Variants in RBM25 observed in about 807,000 individuals in gnomAD.
The protein encoded by RBM25 is RNA-binding protein 25.
A neutral mutation model predicts 120.7 loss-of-function variants in RBM25; 19 were observed. The observed-to-expected ratio is 0.16, with a 90% confidence interval of 0.11 to 0.23. The LOEUF (loss-of-function observed/expected upper bound fraction) is 0.23. RBM25 is among the 10% of genes least tolerant of loss of function. The probability of loss-of-function intolerance (pLI) is 1.00; values close to 1 mark genes in which losing one functional copy is unlikely to be tolerated. For missense variants in RBM25, 605 were observed against 1,041.5 expected (o/e 0.58, Z 5.77); for synonymous variants, 390 against 326.7 (o/e 1.19, Z -2.09).
chr14:73,074,566 C>A (rs1291062369), intron 2 of RBM25, among the ~76,000 whole-genome samples: 2 of 152,038 alleles, frequency 1.3e-5, no homozygotes, highest in East Asian at 3.9e-4. Flanking sequence ...AAGAAAGACC[C>A]TGTCTTGTGG....
chr14:73,059,891 G>T (rs1041303503), intron 1 of RBM25, among the ~76,000 whole-genome samples: 1 of 152,020 alleles, frequency 6.6e-6, no homozygotes, highest in Non-Finnish European at 1.5e-5. Flanking sequence ...TTGGGGTTGG[G>T]GATTGAGAAA....
In RBM25 at chr14:73,120,844, G is replaced by A. The variant is rs941898548; in HGVS notation, c.*1039G>A. 2.5e-4 allele frequency: 38 copies of A among 152,070 alleles called. No homozygotes were observed. Among genetic ancestry groups the A allele is most frequent in the Admixed American group, 2.4e-3 (36 of 15,262 alleles). 9.4% of individuals were successfully genotyped at this position (152,070 alleles called of 1,614,324 possible). ...TACAAACATGATAGGTATTCTGCTC[G>A]GCAATTTGTAAGTTTACATGTTATT... On this transcript the variant is annotated 3_prime_UTR_variant, in exon 19 of 19. Coordinates refer to ENST00000261973, the MANE Select transcript of RBM25 (RefSeq NM_021239.3).
intron 6 of RBM25, among the ~76,000 whole-genome samples, chr14:73,094,810 GGTGTGTGTGTGTGT>G (rs60336075): frequency 4.8e-5 from 7 of 145,280 alleles, no homozygotes; most frequent in East Asian, 2.1e-4. Context: ...ACAGGAGCGA[GGTGTGTGTGTGTGT>G]GTGTGTGTGT....
Position 73,113,999 on chromosome 14 carries a change from G to T in RBM25, c.2392-287G>T, listed in dbSNP as rs111758537. ...GCCAGTAGTGCTCTTTTGATATTAT[G>T]AACAGTAAATTTACTCTGTCTTCTC... On this transcript the variant is annotated intron_variant, in intron 17 of 18. Transcript: ENST00000261973. Among the ~76,000 whole-genome samples, 336 of 152,200 alleles carry T rather than the reference G, an allele frequency of 2.2e-3. 1 individual carries two copies. Among genetic ancestry groups the T allele is most frequent in the African/African-American group, 7.6e-3 (317 of 41,504 alleles).
At chr14:73,081,732 G>A (rs61985144) in intron 4 of RBM25, among the ~76,000 whole-genome samples, 11,170 of 152,036 alleles carry the variant, frequency 0.073, 426 homozygotes, top group Non-Finnish European at 0.09. Context: ...TATAGAATTC[G>A]GTGATGAAGC....
At chr14:73,061,853 A>G (rs1895013126) in intron 1 of RBM25, among the ~76,000 whole-genome samples, 2 of 151,440 alleles carry the variant, frequency 1.3e-5, no homozygotes, top group Admixed American at 1.3e-4. Flanking sequence ...GGTATGAGCC[A>G]CTGTGCCCAG....
rs1225843508 is a variant in RBM25, at chr14:73,106,207, T to C, written c.1389T>C (p.Asn463=). 1 of 1,590,800 alleles carries C rather than the reference T, an allele frequency of 6.3e-7. No homozygotes were observed. The highest frequency in any genetic ancestry group is 1.2e-5 in the South Asian group (1 of 85,740). Residue 463 remains asparagine, a synonymous_variant, in exon 12 of 19, where the codon AAT becomes AAC. Coordinates refer to ENST00000261973, the MANE Select transcript of RBM25 (RefSeq NM_021239.3). ...KEAAYQERLK[N]WEIRERKKTR... ...TTTAATTTTTTTAGCGCCTTAAGAA[T>C]TGGGAAATCAGAGAACGAAAGAAAA...
At chr14:73,098,103 GA>G (rs965459337) in intron 7 of RBM25, among the ~76,000 whole-genome samples, 1 of 151,756 alleles carries the variant, frequency 6.6e-6, no homozygotes, top group African/African-American at 2.4e-5. Flanking sequence ...TATAAAGTAA[GA>G]AAAAAAATCC....
At chr14:73,108,240 A>C (rs992548562) in intron 13 of RBM25, among the ~76,000 whole-genome samples, 2 of 152,154 alleles carry the variant, frequency 1.3e-5, no homozygotes, top group African/African-American at 4.8e-5. Context: ...GCTGGAATGC[A>C]GGGGCATGAT....
chr14:73,083,609 T>A, intron 5 of RBM25, 58 bp downstream of exon 5: 1 of 1,235,278 alleles, frequency 8.1e-7, no homozygotes, highest in Non-Finnish European at 1.1e-6. Context: ...TGTGCTTAAA[T>A]CACTTTGCAT....
intron 1 of RBM25, chr14:73,068,387 A>ATTTTTTTTTTTTTTTTTTTGTT (rs34314453): frequency 2.3e-6 from 1 of 439,004 alleles, no homozygotes; most frequent in Non-Finnish European, 4.1e-6. Context: ...CTTGTATTTG[A>ATTTTTTTTTTTTTTTTTTTGTT]TTTTTTTTTT....
chr14:73,116,174 T>C (rs1896423501), intron 18 of RBM25, among the ~76,000 whole-genome samples: 1 of 152,028 alleles, frequency 6.6e-6, no homozygotes, highest in Non-Finnish European at 1.5e-5. Context: ...GCCGGGGCTC[T>C]AGGAGATAGA....
intron 16 of RBM25, 134 bp downstream of exon 16, chr14:73,111,936 C>T: frequency 8.2e-7 from 1 of 1,222,678 alleles, no homozygotes; most frequent in Non-Finnish European, 1.1e-6. Flanking sequence ...TTGACACCAA[C>T]TCAATGCCAT....
chr14:73,065,404 A>G (rs1317748145), intron 1 of RBM25, among the ~76,000 whole-genome samples: 1 of 150,916 alleles, frequency 6.6e-6, no homozygotes, highest in African/African-American at 2.4e-5. Flanking sequence ...CTGGGATTAC[A>G]GGGGTGAGCC....
intron 1 of RBM25, among the ~76,000 whole-genome samples, chr14:73,067,474 C>G (rs559780896): frequency 4.6e-5 from 7 of 151,078 alleles, no homozygotes; most frequent in Non-Finnish European, 7.4e-5. Flanking sequence ...GGCTTGATCT[C>G]GGGTCACTGC....
chr14:73,118,700 C>G (rs1413222748), intron 18 of RBM25, among the ~76,000 whole-genome samples: 1 of 151,844 alleles, frequency 6.6e-6, no homozygotes, highest in Non-Finnish European at 1.5e-5. Flanking sequence ...ATATGGTACT[C>G]TTTGTGTTTA....
chr14:73,082,519 G>A (rs1159689079), intron 4 of RBM25, among the ~76,000 whole-genome samples: 1 of 152,016 alleles, frequency 6.6e-6, no homozygotes, highest in Non-Finnish European at 1.5e-5. Flanking sequence ...TTGAACTCCT[G>A]GGCTCAAGCA....
At chr14:73,087,871 CA>C (rs1302922409) in intron 5 of RBM25, 129 bp from the exon 6 acceptor site, 23 of 809,994 alleles carry the variant, frequency 2.8e-5, no homozygotes, top group South Asian at 6.3e-5. Context: ...AATTGGTGGA[CA>C]GGGGTGGAAT....
chr14:73,103,025 A>G, intron 9 of RBM25, 167 bp from the exon 10 acceptor site: 1 of 1,388,212 alleles, frequency 7.2e-7, no homozygotes, highest in Non-Finnish European at 9.8e-7. Context: ...AAATCTTTCT[A>G]GTCTTGTGAT....
Sources: gnomAD v4.1 joint callset for allele counts (sites outside exome capture counted in the v4.1 genomes callset) on GRCh38, gnomAD v4.1.1 for gene constraint, MANE v1.5 for transcripts, NCBI Gene and HGNC (gene_info 2026-07-23, HGNC 2026-07-21) for gene names.